The following TLL1 variants were observed in gnomAD, a reference collection of about 807,000 sequenced individuals.
The protein encoded by TLL1 is tolloid like 1, also known as tolloid-like protein 1.
A neutral mutation model predicts 128.2 loss-of-function variants in TLL1; 49 were observed. The ratio of observed to expected loss-of-function variants is 0.38; its 90% CI spans 0.30 to 0.48. The LOEUF (loss-of-function observed/expected upper bound fraction) is 0.48, where lower values mean the gene tolerates loss of function less well. Ranked by LOEUF, TLL1 falls within the 20% of genes least tolerant of loss-of-function variation. The pLI is 0.96. For missense variants in TLL1, 1,123 were observed against 1,242.0 expected, an observed-to-expected ratio of 0.90 and a Z score of 1.44; for synonymous variants, 454 against 418.8, an observed-to-expected ratio of 1.08 and a Z score of -1.03.
At chr4:166,000,255 A>G (rs547608809) in intron 5 of TLL1, among the ~76,000 whole-genome samples, 3 of 152,340 alleles carry the variant, frequency 2.0e-5, no homozygotes, top group Admixed American at 6.5e-5. Flanking sequence ...CATTAAAAAT[A>G]CATATTACCC....
At chr4:165,914,013 C>A (rs1579479553) in intron 1 of TLL1, among the ~76,000 whole-genome samples, 2 of 146,724 alleles carry the variant, frequency 1.4e-5, no homozygotes, top group African/African-American at 5.5e-5. Context: ...CAGAGTGAGA[C>A]CTTGTCTCCA....
chr4:166,096,629 T>C (rs1560869210), intron 19 of TLL1, among the ~76,000 whole-genome samples: 1 of 152,084 alleles, frequency 6.6e-6, no homozygotes, highest in Non-Finnish European at 1.5e-5. Context: ...AGGCTGCCTG[T>C]ACCAGATCTC....
At chr4:165,883,834 A>G (rs1235023285) in intron 1 of TLL1, among the ~76,000 whole-genome samples, 2 of 152,228 alleles carry the variant, frequency 1.3e-5, no homozygotes, top group Non-Finnish European at 2.9e-5. Flanking sequence ...GGCAACCGAT[A>G]GAAACATTTT....
At chr4:165,976,532 T>C (rs962359611) in intron 1 of TLL1, among the ~76,000 whole-genome samples, 3 of 152,190 alleles carry the variant, frequency 2.0e-5, no homozygotes, top group African/African-American at 7.2e-5. Context: ...CATTGGGTTT[T>C]TCTTGTAGCT....
chr4:165,904,729 G>A (rs2110859700), intron 1 of TLL1, among the ~76,000 whole-genome samples: 1 of 152,216 alleles, frequency 6.6e-6, no homozygotes, highest in South Asian at 2.1e-4. Context: ...GTGAGCCACG[G>A]ATTTAAGAAA....
intron 1 of TLL1, among the ~76,000 whole-genome samples, chr4:165,981,075 G>A (rs766324312): frequency 2.0e-5 from 3 of 152,012 alleles, no homozygotes; most frequent in Non-Finnish European, 2.9e-5. Context: ...TTGCACATGA[G>A]AGAGTAACCA....
intron 12 of TLL1, among the ~76,000 whole-genome samples, chr4:166,051,374 T>C (rs1467351987): frequency 6.7e-6 from 1 of 148,956 alleles, no homozygotes; most frequent in African/African-American, 2.4e-5. Context: ...TTTTTCATTC[T>C]TTCTATAAAT....
At chr4:165,978,139 C>T (rs911682008) in intron 1 of TLL1, among the ~76,000 whole-genome samples, 55 of 152,036 alleles carry the variant, frequency 3.6e-4, no homozygotes, top group Admixed American at 3.3e-3. Context: ...ATTACAATAG[C>T]CAAGGCTTAT....
intron 1 of TLL1, among the ~76,000 whole-genome samples, chr4:165,881,472 G>A (rs1318515572): frequency 6.6e-6 from 1 of 152,194 alleles, no homozygotes; most frequent in African/African-American, 2.4e-5. Flanking sequence ...TCTGCAGTGA[G>A]ACTGTCAATT....
At chr4:165,927,359 A>G (rs901751836) in intron 1 of TLL1, among the ~76,000 whole-genome samples, 1 of 152,236 alleles carries the variant, frequency 6.6e-6, no homozygotes. Context: ...TATTAAGATT[A>G]TCTTAAGAAC....
chr4:166,005,409 T>C (rs1169787364), intron 6 of TLL1, among the ~76,000 whole-genome samples: 2 of 151,930 alleles, frequency 1.3e-5, no homozygotes, highest in African/African-American at 4.8e-5. Flanking sequence ...AAAAACAATA[T>C]TTAAGCAATA....
intron 11 of TLL1, 125 bp downstream of exon 11, chr4:166,042,268 T>A (rs1739272502): frequency 4.3e-6 from 3 of 696,222 alleles, no homozygotes; most frequent in Non-Finnish European, 7.7e-6. Flanking sequence ...GAATCTGTAT[T>A]ATAATATTCA....
intron 1 of TLL1, among the ~76,000 whole-genome samples, chr4:165,972,836 A>G (rs1160920693): frequency 6.6e-6 from 1 of 152,164 alleles, no homozygotes; most frequent in Non-Finnish European, 1.5e-5. Flanking sequence ...GAGGAACATC[A>G]AGTCTGAACT....
rs1056099657 is a variant in TLL1 at position 166,030,511 on chromosome 4, G to A, written c.1158+5080G>A. On this transcript the variant is annotated intron_variant, in intron 9 of 20. Transcript: ENST00000061240. ...ATGAACACAAATTATAAAGTTTGAT[G>A]TCATACCACTTGTCTACTTTTAGTT... 2.9e-5 allele frequency: 18 copies of A among 618,518 alleles called. No individual in the cohort carries two copies. The Admixed American group carries it at 4.1e-4, about 14-fold the overall frequency. The allele number at this position is 618,518 out of a possible 1,614,324, so 38.3% of individuals were successfully genotyped here. A position where few individuals can be genotyped will look rare whatever the true frequency, so the allele number is the denominator to read the frequency against.
intron 1 of TLL1, among the ~76,000 whole-genome samples, chr4:165,929,019 G>A (rs966491713): frequency 1.3e-5 from 2 of 152,038 alleles, no homozygotes; most frequent in Admixed American, 6.5e-5. Context: ...AGCAAGTGTC[G>A]GACCATCCCA....
chr4:166,026,632 A>C (rs1002926660), intron 9 of TLL1, among the ~76,000 whole-genome samples: 19 of 152,180 alleles, frequency 1.2e-4, no homozygotes, highest in Non-Finnish European at 2.4e-4. Context: ...GGTTGCGGCG[A>C]GCCGAGATGG....
chr4:165,954,188 A>G (rs1734667695), intron 1 of TLL1, among the ~76,000 whole-genome samples: 1 of 152,134 alleles, frequency 6.6e-6, no homozygotes, highest in Non-Finnish European at 1.5e-5. Context: ...ACCCAATAAT[A>G]AGAAGAGAAA....
At chr4:166,060,291 A>T in intron 15 of TLL1, 103 bp downstream of exon 15, 1 of 1,274,250 alleles carries the variant, frequency 7.8e-7, no homozygotes, top group Non-Finnish European at 1.1e-6. Context: ...TAGTATAGAC[A>T]TTGTATTCTT....
intron 1 of TLL1, among the ~76,000 whole-genome samples, chr4:165,947,507 T>C (rs969415606): frequency 6.6e-6 from 1 of 152,026 alleles, no homozygotes; most frequent in Non-Finnish European, 1.5e-5. Flanking sequence ...CTTAATGATT[T>C]TAGAAATTTT....
Sources: gnomAD v4.1 joint callset for allele counts (sites outside exome capture counted in the v4.1 genomes callset) on GRCh38, gnomAD v4.1.1 for gene constraint, MANE v1.5 for transcripts, NCBI Gene and HGNC (gene_info 2026-07-23, HGNC 2026-07-21) for gene names.